DPYD: variants seen among roughly 807,000 people sequenced by gnomAD.
The protein encoded by DPYD is dihydropyrimidine dehydrogenase [NADP(+)].
Under a neutral mutation model 116.2 loss-of-function variants are expected in DPYD, and 109 were observed. The ratio of observed to expected loss-of-function variants is 0.94; its 90% CI spans 0.80 to 1.10. The LOEUF (loss-of-function observed/expected upper bound fraction) is 1.10. Among genes scored for constraint, DPYD ranks in the 50% least tolerant of loss-of-function variants. The pLI is 0.00. For missense variants in DPYD, 1,302 were observed against 1,254.5 expected, an observed-to-expected ratio of 1.04 and a Z score of -0.57; for synonymous variants, 440 against 432.0, an observed-to-expected ratio of 1.02 and a Z score of -0.23.
At chr1:97,220,973 C>T (rs1342463787) in intron 19 of DPYD, among the ~76,000 whole-genome samples, 1 of 152,098 alleles carries the variant, frequency 6.6e-6, no homozygotes, top group East Asian at 1.9e-4. Flanking sequence ...TCTGTGCTTC[C>T]CCCAAGTAGA....
chr1:97,501,244 A>C (rs1679560671), intron 13 of DPYD, among the ~76,000 whole-genome samples: 1 of 152,082 alleles, frequency 6.6e-6, no homozygotes. Context: ...AACTACTTTA[A>C]TATCTGCTTC....
intron 1 of DPYD, among the ~76,000 whole-genome samples, chr1:97,906,811 T>C (rs1479066055): frequency 1.3e-5 from 2 of 152,102 alleles, no homozygotes; most frequent in Non-Finnish European, 1.5e-5. Context: ...GGACAGAAGA[T>C]TCATTCTTAC....
intron 13 of DPYD, among the ~76,000 whole-genome samples, chr1:97,455,686 C>T (rs888792197): frequency 9.2e-5 from 14 of 151,764 alleles, no homozygotes; most frequent in Admixed American, 2.0e-4. Flanking sequence ...AGAACAATTG[C>T]GCTACTATGA....
chr1:97,410,605 T>C (rs537362787), intron 14 of DPYD, among the ~76,000 whole-genome samples: 11 of 152,262 alleles, frequency 7.2e-5, no homozygotes, highest in Admixed American at 6.5e-4. Flanking sequence ...TCGGAAAGGG[T>C]AAAAAGCATC....
chr1:97,681,724 G>GA (rs1660437253), intron 7 of DPYD, among the ~76,000 whole-genome samples: 1 of 151,946 alleles, frequency 6.6e-6, no homozygotes, highest in South Asian at 2.1e-4. Flanking sequence ...TATTGAAAAA[G>GA]AAAAATAATT....
chr1:97,814,374 G>C (rs377360957), intron 3 of DPYD, among the ~76,000 whole-genome samples: 5 of 152,142 alleles, frequency 3.3e-5, no homozygotes, highest in Non-Finnish European at 7.4e-5. Context: ...CCTTTGGAGA[G>C]AAAGGTCACA....
intron 20 of DPYD, among the ~76,000 whole-genome samples, chr1:97,125,977 T>C (rs1652801285): frequency 6.6e-6 from 1 of 152,156 alleles, no homozygotes; most frequent in Non-Finnish European, 1.5e-5. Context: ...AGAAATAATT[T>C]ATATCATTCC....
rs760459514 is a variant in DPYD at position 97,180,116 on chromosome 1, C to CT, written c.2622+12952dup. On this transcript the variant is annotated intron_variant, in intron 20 of 22. Coordinates refer to ENST00000370192, the MANE Select transcript of DPYD (RefSeq NM_000110.4). ...TTTAATTATGGTTTGTTTTGTTTGA[C>CT]TTTTTTTTTTGGTAAATTAAATCCC... 4.0e-3 allele frequency among the ~76,000 whole-genome samples: 585 copies of CT among 147,806 alleles called. 5 individuals carry two copies. The highest frequency in any genetic ancestry group is 0.02 in the East Asian group (103 of 5,068).
At chr1:97,104,649 G>A (rs1407624275) in intron 20 of DPYD, among the ~76,000 whole-genome samples, 1 of 152,062 alleles carries the variant, frequency 6.6e-6, no homozygotes, top group Non-Finnish European at 1.5e-5. Flanking sequence ...CAGTGGAGGC[G>A]TGAGGTCAGG....
chr1:97,725,895 A>T (rs1038511274), intron 4 of DPYD, among the ~76,000 whole-genome samples: 2 of 151,520 alleles, frequency 1.3e-5, no homozygotes, highest in African/African-American at 4.8e-5. Flanking sequence ...TCTCAAATTG[A>T]CTGTGGTGAT....
chr1:97,337,656 T>C (rs1231196208), intron 16 of DPYD, among the ~76,000 whole-genome samples: 1 of 53,112 alleles, frequency 1.9e-5, no homozygotes, highest in African/African-American at 4.4e-5. Context: ...TAACACATTT[T>C]TTTTTTTTTT....
intron 3 of DPYD, chr1:97,797,063 T>C (rs1228586501): frequency 6.6e-6 from 1 of 152,118 alleles, no homozygotes; most frequent in African/African-American, 2.4e-5. Context: ...CTAGTTCAAA[T>C]GAATAACAAG....
intron 20 of DPYD, 79 bp from the exon 21 acceptor site, chr1:97,098,711 T>G: frequency 1.3e-6 from 2 of 1,502,048 alleles, no homozygotes; most frequent in Non-Finnish European, 1.8e-6. Context: ...ATATAAATAT[T>G]ATCAACAAAC....
chr1:97,214,319 T>C lies in DPYD; in HGVS notation c.2442+20533A>G, dbSNP rs532430167. On this transcript the variant is annotated intron_variant, in intron 19 of 22. Transcript: ENST00000370192. ...ACTCATAGTCATATGAATATAAGAT[T>C]CAACTATTTATGGATTGTCAAGGTT... Among the ~76,000 whole-genome samples, 21 of 152,304 alleles carry C rather than the reference T, an allele frequency of 1.4e-4. No individual in the cohort carries two copies. In the South Asian group the frequency reaches 4.4e-3, roughly 32 times the overall value.
chr1:97,184,595 A>G (rs1217549425), intron 20 of DPYD, among the ~76,000 whole-genome samples: 1 of 152,120 alleles, frequency 6.6e-6, no homozygotes, highest in African/African-American at 2.4e-5. Flanking sequence ...CAGTGCAGAT[A>G]CTACATATAT....
chr1:97,894,175 A>T (rs1163684654), intron 1 of DPYD, among the ~76,000 whole-genome samples: 1 of 151,728 alleles, frequency 6.6e-6, no homozygotes, highest in East Asian at 1.9e-4. Flanking sequence ...ACTCACAGCC[A>T]CCTTTTTGCA....
intron 10 of DPYD, among the ~76,000 whole-genome samples, chr1:97,577,522 C>T (rs1278868669): frequency 1.3e-5 from 2 of 152,072 alleles, no homozygotes; most frequent in African/African-American, 2.4e-5. Context: ...CCCGCAGGTC[C>T]CATTTTCTCT....
intron 20 of DPYD, among the ~76,000 whole-genome samples, chr1:97,126,562 C>A (rs1276493530): frequency 6.6e-6 from 1 of 152,130 alleles, no homozygotes; most frequent in Non-Finnish European, 1.5e-5. Flanking sequence ...CTAGGTCCCA[C>A]CTTGATATGG....
intron 16 of DPYD, among the ~76,000 whole-genome samples, chr1:97,318,822 T>A (rs1180990006): frequency 6.7e-6 from 1 of 150,094 alleles, no homozygotes; most frequent in African/African-American, 2.5e-5. Context: ...ATTGACCACA[T>A]AGTTGGAAGT....
Sources: gnomAD v4.1 joint callset for allele counts (sites outside exome capture counted in the v4.1 genomes callset) on GRCh38, gnomAD v4.1.1 for gene constraint, MANE v1.5 for transcripts, NCBI Gene and HGNC (gene_info 2026-07-23, HGNC 2026-07-21) for gene names.